The following AP2A2 variants were observed in gnomAD, a reference collection of about 807,000 sequenced individuals.
AP2A2 encodes the protein AP-2 complex subunit alpha-2.
Under a neutral mutation model 104.2 loss-of-function variants are expected in AP2A2, and 32 were observed. That is an observed-to-expected ratio of 0.31 (90% CI 0.23 to 0.41). The LOEUF is 0.41. Among genes scored for constraint, AP2A2 ranks in the 10% least tolerant of loss-of-function variants. The probability of loss-of-function intolerance (pLI) is 1.00; values close to 1 mark genes in which losing one functional copy is unlikely to be tolerated. For synonymous variants in AP2A2, 539 were observed against 533.3 expected, an observed-to-expected ratio of 1.01 and a Z score of -0.15; for missense variants, 912 against 1,261.0, an observed-to-expected ratio of 0.72 and a Z score of 4.19.
intron 1 of AP2A2, among the ~76,000 whole-genome samples, chr11:952,469 G>T (rs941702646): frequency 1.3e-5 from 2 of 152,138 alleles, no homozygotes; most frequent in Non-Finnish European, 1.5e-5. Context: ...CTACTTCATG[G>T]AATGCAAATT....
rs1401319992 is a variant in AP2A2, at chr11:925,932, G to T, written c.-90G>T. 2 of 1,028,536 alleles carry T rather than the reference G, an allele frequency of 1.9e-6. No homozygotes were observed. The highest frequency in any genetic ancestry group is 2.6e-6 in the Non-Finnish European group (2 of 775,746). The allele number at this position is 1,028,536 out of a possible 1,614,324, so 63.7% of individuals were successfully genotyped here. A position where few individuals can be genotyped will look rare whatever the true frequency, so the allele number is the denominator to read the frequency against. On this transcript the variant is annotated 5_prime_UTR_variant, in exon 1 of 22. Coordinates refer to ENST00000448903, the MANE Select transcript of AP2A2 (RefSeq NM_012305.4). Reference sequence around the variant, plus strand: ...GGCGGCTCCCCGGCGGCTCCTCCGCGGCGGTGACGGCGACCGCACTCCCCG... The same window carrying T: ...GGCGGCTCCCCGGCGGCTCCTCCGCTGCGGTGACGGCGACCGCACTCCCCG...
chr11:1,006,818 C>T lies in AP2A2; in HGVS notation c.2296+201C>T, dbSNP rs938360986. The T allele has an allele frequency of 5.3e-6, 3 of 568,976 alleles. No individual in the cohort carries two copies. The African/African-American group carries it at 5.7e-5, about 11-fold the overall frequency. The allele number at this position is 568,976 out of a possible 1,614,324, so 35.2% of individuals were successfully genotyped here. A position where few individuals can be genotyped will look rare whatever the true frequency, so the allele number is the denominator to read the frequency against. On this transcript the variant is annotated intron_variant, in intron 17 of 21. Coordinates refer to ENST00000448903, the MANE Select transcript of AP2A2 (RefSeq NM_012305.4). ...CAGGCAGTCTTCCATATTGGAGAGCCAGCTTTTGATCATGCACCTAAAAAT... is the reference window on the plus strand; with the variant it reads ...CAGGCAGTCTTCCATATTGGAGAGCTAGCTTTTGATCATGCACCTAAAAAT...
intron 9 of AP2A2, 62 bp from the exon 10 acceptor site, chr11:988,479 GAGCCTGTCCCC>G (rs1333860075): frequency 9.6e-6 from 15 of 1,560,634 alleles, no homozygotes; most frequent in South Asian, 6.8e-5. Flanking sequence ...TGCGGGTGCC[GAGCCTGTCCCC>G]AGCCTGTCCC....
rs375969960 is a variant in AP2A2, at chr11:1,011,507, T to C, written c.*882T>C. ...GTGGAGGAGGGACGCCTCTGTGTGG[T>C]CAGGAAGTGAAGGGGCCATTGGCCG... On this transcript the variant is annotated 3_prime_UTR_variant, in exon 22 of 22. Transcript: ENST00000448903. The C allele has an allele frequency of 1.4e-4, 67 of 493,170 alleles. No individual in the cohort carries two copies. Among genetic ancestry groups the C allele is most frequent in the African/African-American group, 1.2e-3 (60 of 51,628 alleles). 30.5% of individuals were successfully genotyped at this position (493,170 alleles called of 1,614,324 possible).
intron 19 of AP2A2, 25 bp downstream of exon 19, chr11:1,009,241 G>A (rs1856317052): frequency 6.2e-7 from 1 of 1,609,860 alleles, no homozygotes; most frequent in Non-Finnish European, 8.5e-7. Context: ...TCCTGTAGGG[G>A]TCAGGGGTGG....
intron 5 of AP2A2, among the ~76,000 whole-genome samples, chr11:977,984 C>T (rs982538641): frequency 5.3e-5 from 8 of 152,174 alleles, no homozygotes; most frequent in Non-Finnish European, 1.2e-4. Flanking sequence ...TGGAGGCTGT[C>T]GTCCACCATC....
intron 1 of AP2A2, among the ~76,000 whole-genome samples, chr11:927,961 C>T (rs1031839109): frequency 6.6e-6 from 1 of 152,056 alleles, no homozygotes; most frequent in African/African-American, 2.4e-5. Context: ...CTTAAGGGGA[C>T]CTCTGGGACA....
rs1252135173 is a variant in AP2A2 at position 979,580 on chromosome 11, C to T, written c.604-1618C>T. Among the ~76,000 whole-genome samples the T allele has an allele frequency of 4.6e-5, 7 of 152,122 alleles. No homozygotes were observed. The East Asian group carries it at 1.4e-3, about 29-fold the overall frequency. ...AGTCATTCAAGTAGACATTTCCTTTCAGACAGAGGCTTGCTCTGTCACCCA... is the reference window on the plus strand; with the variant it reads ...AGTCATTCAAGTAGACATTTCCTTTTAGACAGAGGCTTGCTCTGTCACCCA... On this transcript the variant is annotated intron_variant, in intron 5 of 21. Transcript: ENST00000448903.
chr11:985,350 C>T, intron 7 of AP2A2, 85 bp from the exon 8 acceptor site: 2 of 1,491,422 alleles, frequency 1.3e-6, no homozygotes, highest in Non-Finnish European at 1.8e-6. Flanking sequence ...AAAATGCTCT[C>T]ATGATGTATG....
chr11:977,029 G>C, intron 4 of AP2A2, 66 bp from the exon 5 acceptor site: 4 of 1,600,084 alleles, frequency 2.5e-6, no homozygotes, highest in Non-Finnish European at 3.4e-6. Context: ...GCTCTGGGGG[G>C]GTGCTCCGTG....
Position 1,009,368 on chromosome 11 carries a change from C to T in AP2A2, c.2578C>T (p.Pro860Ser). 6.2e-7 allele frequency: 1 copy of T among 1,613,600 alleles called. No individual in the cohort carries two copies. Among genetic ancestry groups the T allele is most frequent in the Non-Finnish European group, 8.5e-7 (1 of 1,179,798 alleles). The change falls in exon 20 of 22, where the codon CCA becomes TCA. Residue 860 changes from proline (P) to serine (S), a missense_variant. Transcript: ENST00000448903. ...GCAGAACATCTTCAAAGCAAAGCAC[C>T]CAATGGACACAGAAGTCACCAAAGC... ...EVQNIFKAKH[P>S]MDTEVTKAKI...
chr11:950,280 C>T (rs1000449741), intron 1 of AP2A2, among the ~76,000 whole-genome samples: 1 of 150,196 alleles, frequency 6.7e-6, no homozygotes, highest in African/African-American at 2.4e-5. Context: ...ACCAAAAAAA[C>T]AGGAGTAAGT....
chr11:994,092 G>A lies in AP2A2; in HGVS notation c.1803G>A (p.Met601Ile). Reference protein sequence around the residue: ...TDILATVLEEMPPFPERESSI... With the variant: ...TDILATVLEEIPPFPERESSI... ...CCAAGGCGACCGTGCTGGAGGAGAT[G>A]CCCCCATTCCCGGAGCGGGAGTCCT... Residue 601 changes from methionine to isoleucine, a missense_variant, in exon 14 of 22, where the codon ATG (methionine) becomes ATA (isoleucine). Coordinates refer to ENST00000448903, the MANE Select transcript of AP2A2 (RefSeq NM_012305.4). 6.2e-7 allele frequency: 1 copy of A among 1,613,030 alleles called. No individual in the cohort carries two copies. Among genetic ancestry groups the A allele is most frequent in the Non-Finnish European group, 8.5e-7 (1 of 1,179,836 alleles).
chr11:1,004,039 A>G (rs1023075365), intron 16 of AP2A2, among the ~76,000 whole-genome samples: 1 of 151,846 alleles, frequency 6.6e-6, no homozygotes, highest in African/African-American at 2.4e-5. Flanking sequence ...GGTGGGTGCA[A>G]AGTTGTTGAA....
At position 992,426 on chromosome 11, in the gene AP2A2, T is replaced by G; in HGVS notation, c.1270-77T>G. 1 of 1,452,046 alleles carries G rather than the reference T, an allele frequency of 6.9e-7. No individual in the cohort carries two copies. The highest frequency in any genetic ancestry group is 9.4e-7 in the Non-Finnish European group (1 of 1,058,894). 89.9% of individuals were successfully genotyped at this position (1,452,046 alleles called of 1,614,324 possible). On this transcript the variant is annotated intron_variant, in intron 10 of 21. Coordinates refer to ENST00000448903, the MANE Select transcript of AP2A2 (RefSeq NM_012305.4). The surrounding 1 kb of genome is among the most constrained non-coding windows in gnomAD (Gnocchi z 6.4). ...TTGAGGTGCTTCTGAAACTCTCACTTTGACTTTGGACGACAGTTTGGTCTT... is the reference window on the plus strand; with the variant it reads ...TTGAGGTGCTTCTGAAACTCTCACTGTGACTTTGGACGACAGTTTGGTCTT...
chr11:959,323 C>T (rs1052292212), intron 1 of AP2A2, 114 bp from the exon 2 acceptor site: 1 of 741,460 alleles, frequency 1.3e-6, no homozygotes, highest in Non-Finnish European at 2.3e-6. Flanking sequence ...TTTTCTCCTG[C>T]CTTGAAACGG....
chr11:941,593 C>CTT (rs869159950), intron 1 of AP2A2, among the ~76,000 whole-genome samples: 1 of 142,334 alleles, frequency 7.0e-6, no homozygotes. Context: ...CTTTCTTATT[C>CTT]TTTTTTTTTT....
intron 1 of AP2A2, among the ~76,000 whole-genome samples, chr11:953,545 G>GGCC (rs1440977589): frequency 9.4e-6 from 1 of 105,904 alleles, no homozygotes; most frequent in African/African-American, 3.1e-5. Flanking sequence ...TACCGTAAGA[G>GGCC]CCCCCCCCCC....
At chr11:983,955 G>A (rs1855359657) in intron 6 of AP2A2, among the ~76,000 whole-genome samples, 1 of 152,134 alleles carries the variant, frequency 6.6e-6, no homozygotes, top group Non-Finnish European at 1.5e-5. Flanking sequence ...GTCTGGGCTG[G>A]CATCTTGCAG....
Sources: allele counts gnomAD v4.1 joint callset (sites outside exome capture counted in the v4.1 genomes callset), GRCh38; gene constraint gnomAD v4.1.1; non-coding constraint Gnocchi (gnomAD v3.1); transcripts MANE v1.5; gene names NCBI Gene and HGNC (gene_info 2026-07-23, HGNC 2026-07-21).